The following TEN1 variants were observed in gnomAD, a reference collection of about 807,000 sequenced individuals.
The protein encoded by TEN1 is TEN1 subunit of CST complex, also known as CST complex subunit TEN1.
A neutral mutation model predicts 9.3 loss-of-function variants in TEN1; 6 were observed. The observed-to-expected ratio is 0.65, with a 90% confidence interval of 0.35 to 1.27. The LOEUF (loss-of-function observed/expected upper bound fraction) is 1.27, where lower values mean the gene tolerates loss of function less well. Ranked by LOEUF, TEN1 falls within the 50% of genes most tolerant of loss-of-function variation. The probability of loss-of-function intolerance (pLI) is 0.03; values close to 1 mark genes in which losing one functional copy is unlikely to be tolerated. For synonymous variants in TEN1, 65 were observed against 65.6 expected (o/e 0.99, Z 0.04); for missense variants, 149 against 158.2 (o/e 0.94, Z 0.31).
chr17:75,983,806 G>A (rs1207455613), intron 1 of TEN1, among the ~76,000 whole-genome samples: 2 of 152,114 alleles, frequency 1.3e-5, no homozygotes, highest in African/African-American at 4.8e-5. Context: ...CCTGCAGGCT[G>A]AGTCACCTCT....
chr17:75,995,047 C>A (rs969283685), intron 3 of TEN1, among the ~76,000 whole-genome samples: 1 of 151,938 alleles, frequency 6.6e-6, no homozygotes, highest in East Asian at 1.9e-4. Context: ...CATAGTGAGA[C>A]CCCATCTTTA....
rs1004640153 is a variant in TEN1, at chr17:75,979,282, T to A, written c.-236T>A. The A allele has an allele frequency of 1.8e-5, 12 of 684,132 alleles. No individual in the cohort carries two copies. Among genetic ancestry groups the A allele is most frequent in the Non-Finnish European group, 2.8e-5 (11 of 399,812 alleles). The allele number at this position is 684,132 out of a possible 1,614,324, so 42.4% of individuals were successfully genotyped here. A position where few individuals can be genotyped will look rare whatever the true frequency, so the allele number is the denominator to read the frequency against. On this transcript the variant is annotated 5_prime_UTR_variant, in exon 1 of 4. An upstream start codon of the reference 5' UTR is lost. Transcript: ENST00000397640. ...ACAGCGGCCCAGACAGAGGGGGCGATGTCCGCGTCGTGGCTGGGGCCGGTC... is the reference window on the plus strand; with the variant it reads ...ACAGCGGCCCAGACAGAGGGGGCGAAGTCCGCGTCGTGGCTGGGGCCGGTC...
At chr17:75,986,919 C>T (rs946744953) in intron 2 of TEN1, among the ~76,000 whole-genome samples, 2 of 151,926 alleles carry the variant, frequency 1.3e-5, no homozygotes, top group Admixed American at 6.6e-5. Context: ...ACCCAATATA[C>T]GTATATACAT....
chr17:75,979,262 G>A lies in TEN1; in HGVS notation c.-256G>A. The A allele has an allele frequency of 3.9e-6, 3 of 766,370 alleles. No individual in the cohort carries two copies. The highest frequency in any genetic ancestry group is 6.4e-6 in the Non-Finnish European group (3 of 465,490). 47.5% of individuals were successfully genotyped at this position (766,370 alleles called of 1,614,324 possible). On this transcript the variant is annotated 5_prime_UTR_variant, in exon 1 of 4. Coordinates refer to ENST00000397640, the MANE Select transcript of TEN1 (RefSeq NM_001113324.3). The stretch of plus-strand genomic sequence containing the variant: ...GGCCCTTTGGCGCGTGAGTGACAGC[G>A]GCCCAGACAGAGGGGGCGATGTCCG...
At position 75,991,504 on chromosome 17, in the gene TEN1, T is replaced by C; in HGVS notation, c.131T>C (p.Leu44Pro). ...LYDMIQSRVT[L>P]MAQHGSDQHQ... is the part of the protein sequence containing the mutation. Reference sequence around the variant, plus strand: ...GACATGATTCAGTCCAGAGTAACACTGATGGCTCAGCACGGATCCGATCAG... The same window carrying C: ...GACATGATTCAGTCCAGAGTAACACCGATGGCTCAGCACGGATCCGATCAG... Residue 44 changes from leucine to proline, a missense_variant, in exon 3 of 4, where the codon CTG becomes CCG. Coordinates refer to ENST00000397640, the MANE Select transcript of TEN1 (RefSeq NM_001113324.3). The C allele has an allele frequency of 6.4e-7, 1 of 1,552,350 alleles. No homozygotes were observed. The highest frequency in any genetic ancestry group is 2.4e-5 in the East Asian group (1 of 40,906).
chr17:75,982,900 G>A (rs2066130242), intron 1 of TEN1, among the ~76,000 whole-genome samples: 2 of 150,268 alleles, frequency 1.3e-5, no homozygotes, highest in East Asian at 2.0e-4. Context: ...TAGTAGAGAC[G>A]GGGTGTCACC....
chr17:75,987,916 CAAAAAAAAAA>C (rs34957837), intron 2 of TEN1, among the ~76,000 whole-genome samples: 1 of 51,232 alleles, frequency 2.0e-5, no homozygotes, highest in Non-Finnish European at 3.7e-5. Flanking sequence ...GACTCCATCT[CAAAAAAAAAA>C]AAAAAAAAAA....
At chr17:75,990,580 T>C (rs984670533) in intron 2 of TEN1, among the ~76,000 whole-genome samples, 3 of 148,758 alleles carry the variant, frequency 2.0e-5, no homozygotes, top group Non-Finnish European at 3.0e-5. Flanking sequence ...ATGAGTGTAA[T>C]CCCAGCACTT....
In TEN1 at chr17:76,000,329, G is replaced by T. The variant is rs920919691; in HGVS notation, c.*67G>T. On this transcript the variant is annotated 3_prime_UTR_variant, in exon 4 of 4. Transcript: ENST00000397640. This position sits in a 1 kb window ranked among gnomAD's most constrained non-coding sequence, Gnocchi z 5.9. The stretch of plus-strand genomic sequence containing the variant: ...GAACCCTCTGGAGCTGCAGGAGCCC[G>T]GGAGAGCACAGACGCCTCCCCAGCG... 1 of 1,498,244 alleles carries T rather than the reference G, an allele frequency of 6.7e-7. No homozygotes were observed. Among genetic ancestry groups the T allele is most frequent in the Non-Finnish European group, 8.9e-7 (1 of 1,118,398 alleles). The allele number at this position is 1,498,244 out of a possible 1,614,324, so 92.8% of individuals were successfully genotyped here. A position where few individuals can be genotyped will look rare whatever the true frequency, so the allele number is the denominator to read the frequency against.
At chr17:75,995,279 C>T (rs1034907250) in intron 3 of TEN1, among the ~76,000 whole-genome samples, 1 of 151,642 alleles carries the variant, frequency 6.6e-6, no homozygotes, top group Non-Finnish European at 1.5e-5. Context: ...GTAATCCCAG[C>T]ACTTTGAGAG....
At chr17:75,986,737 T>C (rs2066154888) in intron 2 of TEN1, among the ~76,000 whole-genome samples, 1 of 151,202 alleles carries the variant, frequency 6.6e-6, no homozygotes, top group Admixed American at 6.6e-5. Flanking sequence ...TACATATATA[T>C]ATTGAAAAAA....
intron 2 of TEN1, 116 bp downstream of exon 2, chr17:75,986,400 A>C: frequency 9.5e-7 from 1 of 1,052,564 alleles, no homozygotes; most frequent in Non-Finnish European, 1.3e-6. Context: ...TTATGTTAAA[A>C]TACTAAAAAA....
chr17:75,991,700 T>C (rs1460736840), intron 3 of TEN1, 77 bp downstream of exon 3: 3 of 1,474,910 alleles, frequency 2.0e-6, no homozygotes, highest in Non-Finnish European at 2.7e-6. Context: ...CAGTGAGAAA[T>C]GGGCTCGTGA....
chr17:75,983,710 C>T (rs2066136142), intron 1 of TEN1, among the ~76,000 whole-genome samples: 1 of 152,010 alleles, frequency 6.6e-6, no homozygotes, highest in South Asian at 2.1e-4. Flanking sequence ...AATGTAGTTT[C>T]GGGGAAGGGG....
rs1567897482 is a variant in TEN1, at chr17:75,991,526, T to C, written c.153T>C (p.Asp51=). 8 of 1,552,216 alleles carry C rather than the reference T, an allele frequency of 5.2e-6. No individual in the cohort carries two copies. Among genetic ancestry groups the C allele is most frequent in the Non-Finnish European group, 7.0e-6 (8 of 1,147,134 alleles). The change falls in exon 3 of 4, where the codon GAT becomes GAC. Residue 51 remains aspartate, a synonymous_variant. Coordinates refer to ENST00000397640, the MANE Select transcript of TEN1 (RefSeq NM_001113324.3). ...RVTLMAQHGS[D]QHQVLVCTKL... is the part of the protein sequence containing the mutation. ...CACTGATGGCTCAGCACGGATCCGA[T>C]CAGCACCAGGTTCTTGTCTGTACCA...
rs1052901056 is a variant in TEN1, at chr17:76,000,111, G to A, written c.251-30G>A. ...GACGTTGTTGACACGCCGCTCAGTC[G>A]CCGTTCGTGCCCTGGTGTTTGTCTT... On this transcript the variant is annotated intron_variant, in intron 3 of 3. Transcript: ENST00000397640. This position sits in a 1 kb window ranked among gnomAD's most constrained non-coding sequence, Gnocchi z 5.9. 19 of 1,546,536 alleles carry A rather than the reference G, an allele frequency of 1.2e-5. No homozygotes were observed. The highest frequency in any genetic ancestry group is 1.7e-5 in the Non-Finnish European group (19 of 1,143,460).
intron 2 of TEN1, among the ~76,000 whole-genome samples, chr17:75,991,165 A>AG (rs1555621608): frequency 1.3e-5 from 2 of 150,000 alleles, no homozygotes; most frequent in South Asian, 2.1e-4. Flanking sequence ...AAAAAAAAAA[A>AG]AAAGAAAAAA....
chr17:75,986,838 G>A (rs2144347901), intron 2 of TEN1, among the ~76,000 whole-genome samples: 1 of 152,124 alleles, frequency 6.6e-6, no homozygotes, highest in East Asian at 1.9e-4. Flanking sequence ...GACAACCACT[G>A]CTAACCTTTG....
In TEN1 at chr17:75,991,517, C is replaced by A; in HGVS notation, c.144C>A (p.His48Gln). ...CCAGAGTAACACTGATGGCTCAGCA[C>A]GGATCCGATCAGCACCAGGTTCTTG... ...IQSRVTLMAQHGSDQHQVLVC... is the reference protein window; with the variant it reads ...IQSRVTLMAQQGSDQHQVLVC... Residue 48 changes from histidine (H) to glutamine (Q), a missense_variant, in exon 3 of 4, where the codon CAC becomes CAA. Physicochemically the swap from His to Gln is conservative, Grantham distance 24. Coordinates refer to ENST00000397640, the MANE Select transcript of TEN1 (RefSeq NM_001113324.3). 6.4e-7 allele frequency: 1 copy of A among 1,552,304 alleles called. No individual in the cohort carries two copies. The highest frequency in any genetic ancestry group is 8.7e-7 in the Non-Finnish European group (1 of 1,147,116).
Sources: gnomAD v4.1 joint callset for allele counts (sites outside exome capture counted in the v4.1 genomes callset) on GRCh38, gnomAD v4.1.1 for gene constraint, Gnocchi (gnomAD v3.1) non-coding constraint, MANE v1.5 for transcripts, NCBI Gene and HGNC (gene_info 2026-07-23, HGNC 2026-07-21) for gene names.